Variants in ZFHX3 observed in about 807,000 individuals in gnomAD.
ZFHX3 encodes zinc finger homeobox protein 3.
Under a neutral mutation model 279.1 loss-of-function variants are expected in ZFHX3, and 42 were observed. The observed-to-expected ratio is 0.15, with a 90% CI of 0.12 to 0.19. The LOEUF is 0.19. Ranked by LOEUF, ZFHX3 falls within the 10% of genes least tolerant of loss-of-function variation. ZFHX3 has a pLI of 1.00. For missense variants in ZFHX3, 4,981 were observed against 4,754.0 expected (o/e 1.05, Z -1.40); for synonymous variants, 2,293 against 1,957.8 (o/e 1.17, Z -4.52).
chr16:73,646,664 T>A (rs1358003063), intron 2 of ZFHX3, among the ~76,000 whole-genome samples: 1 of 152,222 alleles, frequency 6.6e-6, no homozygotes, highest in Non-Finnish European at 1.5e-5. Flanking sequence ...TACAAGGTAC[T>A]TGAAAGAAGT....
chr16:73,416,586 G>A (rs936696260), intron 3 of ZFHX3, among the ~76,000 whole-genome samples: 5 of 152,140 alleles, frequency 3.3e-5, no homozygotes, highest in African/African-American at 9.7e-5. Context: ...CGAAAGTTGA[G>A]AAGTCGGCCG....
chr16:73,340,663 A>G (rs908861203), intron 3 of ZFHX3, among the ~76,000 whole-genome samples: 4 of 152,234 alleles, frequency 2.6e-5, no homozygotes, highest in African/African-American at 9.6e-5. Flanking sequence ...GGCGTGAGCC[A>G]CCGTGCCTGG....
chr16:73,615,337 T>TCCAG (rs1203704646), intron 2 of ZFHX3, among the ~76,000 whole-genome samples: 1 of 152,034 alleles, frequency 6.6e-6, no homozygotes, highest in African/African-American at 2.4e-5. Flanking sequence ...GAAAGGCGAT[T>TCCAG]CCAGCTCTCA....
chr16:73,185,137 G>A (rs1967883256), intron 5 of ZFHX3, among the ~76,000 whole-genome samples: 1 of 152,006 alleles, frequency 6.6e-6, no homozygotes, highest in African/African-American at 2.4e-5. Context: ...TCTCTTATAG[G>A]CAGTCAATAT....
chr16:73,025,503 GCACAAT>G (rs1259006500), intron 1 of ZFHX3, among the ~76,000 whole-genome samples: 1 of 152,180 alleles, frequency 6.6e-6, no homozygotes, highest in Non-Finnish European at 1.5e-5. Context: ...AGTATTGACA[GCACAAT>G]CACACAGTAA....
At chr16:73,525,404 A>G (rs1252206502) in intron 2 of ZFHX3, among the ~76,000 whole-genome samples, 1 of 152,198 alleles carries the variant, frequency 6.6e-6, no homozygotes, top group Non-Finnish European at 1.5e-5. Flanking sequence ...CTCCCTCTTA[A>G]TTCTTGTGCA....
chr16:73,181,767 C>G (rs547293551), intron 5 of ZFHX3, among the ~76,000 whole-genome samples: 1 of 152,006 alleles, frequency 6.6e-6, no homozygotes, highest in Non-Finnish European at 1.5e-5. Flanking sequence ...GGATATAGTT[C>G]CCGTTAGGGC....
chr16:72,935,858 G>T (rs957933233), intron 3 of ZFHX3, among the ~76,000 whole-genome samples: 2 of 152,114 alleles, frequency 1.3e-5, no homozygotes, highest in East Asian at 3.9e-4. Flanking sequence ...AGATCCCACC[G>T]GTAAGGATCT....
chr16:73,484,158 T>C (rs1021883526), intron 2 of ZFHX3, among the ~76,000 whole-genome samples: 13 of 151,606 alleles, frequency 8.6e-5, no homozygotes, highest in African/African-American at 3.2e-4. Flanking sequence ...CCGCCCAGAG[T>C]CCTAGGTGAA....
chr16:73,681,041 A>T (rs2053005002), intron 1 of ZFHX3, among the ~76,000 whole-genome samples: 1 of 152,244 alleles, frequency 6.6e-6, no homozygotes, highest in Non-Finnish European at 1.5e-5. Context: ...TAGTTATTTT[A>T]TACAATGTTA....
chr16:73,233,126 A>T (rs1295685010), intron 5 of ZFHX3: 1 of 151,662 alleles, frequency 6.6e-6, no homozygotes, highest in Non-Finnish European at 1.5e-5. Flanking sequence ...AAAAAAAAAA[A>T]AATCGAGGCA....
intron 3 of ZFHX3, among the ~76,000 whole-genome samples, chr16:72,940,077 T>C (rs1202084083): frequency 6.6e-6 from 1 of 151,960 alleles, no homozygotes; most frequent in African/African-American, 2.4e-5. Flanking sequence ...ACCTGGCTAA[T>C]TTTTTAAATT....
At chr16:73,522,552 G>T (rs1403727186) in intron 2 of ZFHX3, among the ~76,000 whole-genome samples, 1 of 152,118 alleles carries the variant, frequency 6.6e-6, no homozygotes, top group Non-Finnish European at 1.5e-5. Flanking sequence ...CTTGGGAGAG[G>T]GGAACTTAGT....
At chr16:72,908,286 C>T (rs1228343426) in intron 3 of ZFHX3, among the ~76,000 whole-genome samples, 1 of 152,184 alleles carries the variant, frequency 6.6e-6, no homozygotes, top group African/African-American at 2.4e-5. Context: ...GGAGGACTGA[C>T]GCTGAGCTTT....
chr16:72,887,217 T>A (rs2144057033), intron 4 of ZFHX3, among the ~76,000 whole-genome samples: 1 of 152,206 alleles, frequency 6.6e-6, no homozygotes, highest in South Asian at 2.1e-4. Flanking sequence ...TGGAGGGGCT[T>A]AGGAGGGACG....
At chr16:73,235,676 A>G (rs899241634) in intron 5 of ZFHX3, among the ~76,000 whole-genome samples, 3 of 148,962 alleles carry the variant, frequency 2.0e-5, no homozygotes, top group East Asian at 4.7e-4. Context: ...CAAATATATC[A>G]ATTGTTTTTT....
chr16:73,802,115 G>A (rs140034224), intron 1 of ZFHX3, among the ~76,000 whole-genome samples: 2,128 of 152,278 alleles, frequency 0.014, 47 homozygotes, highest in African/African-American at 0.048. Flanking sequence ...AAAGCCCCGG[G>A]CTGTGGAAAC....
At chr16:72,882,333 T>G (rs1284540026) in intron 4 of ZFHX3, among the ~76,000 whole-genome samples, 1 of 151,928 alleles carries the variant, frequency 6.6e-6, no homozygotes, top group Non-Finnish European at 1.5e-5. Flanking sequence ...AGAACAACAC[T>G]AACCAGAAGG....
chr16:73,225,201 T>G (rs1182424021), intron 5 of ZFHX3, among the ~76,000 whole-genome samples: 1 of 152,192 alleles, frequency 6.6e-6, no homozygotes, highest in Non-Finnish European at 1.5e-5. Flanking sequence ...GGAGAGGTAC[T>G]AGTTTAAAGA....
Sources: allele counts gnomAD v4.1 joint callset (sites outside exome capture counted in the v4.1 genomes callset), GRCh38; gene constraint gnomAD v4.1.1; transcripts MANE v1.5; gene names NCBI Gene and HGNC (gene_info 2026-07-23, HGNC 2026-07-21).